The following CLVS1 variants were observed in gnomAD, a reference collection of about 807,000 sequenced individuals.
CLVS1 encodes clavesin-1.
CLVS1 carries 10 observed loss-of-function variants against 33.1 expected under a neutral mutation model. The observed-to-expected ratio is 0.30, with a 90% CI of 0.19 to 0.51. CLVS1 has a LOEUF of 0.51. Among genes scored for constraint, CLVS1 ranks in the 20% least tolerant of loss-of-function variants. The pLI, the probability that CLVS1 is intolerant of heterozygous loss-of-function variation, is 0.97. For missense variants in CLVS1, 343 were observed against 433.4 expected (o/e 0.79, Z 1.85); for synonymous variants, 163 against 166.1 (o/e 0.98, Z 0.14).
chr8:61,255,443 C>T lies in CLVS1; in HGVS notation c.-151-44234C>T, dbSNP rs536028702. ...GCTGAGGTTATAGCAGGAAACACTA[C>T]AGACAAAACCTCAGTGCCAGCAGAA... On this transcript the variant is annotated intron_variant, in intron 2 of 2. Transcript: ENST00000522621. 2.0e-5 allele frequency among the ~76,000 whole-genome samples: 3 copies of T among 152,172 alleles called. No individual in the cohort carries two copies. The South Asian group carries it at 6.2e-4, about 32-fold the overall frequency.
rs188833796 is a variant in CLVS1 at position 61,206,542 on chromosome 8, T to C, written c.-152+74682T>C. On this transcript the variant is annotated intron_variant, in intron 2 of 2. Transcript: ENST00000522621. ...TAAGCCAGATTAGACTCCCTTGTTA[T>C]GTACTGCCTTACAGCATTTATCTTA... is the stretch of plus-strand genomic sequence containing the variant. Among the ~76,000 whole-genome samples the C allele has an allele frequency of 1.9e-3, 285 of 152,314 alleles. 1 individual carries two copies. The highest frequency in any genetic ancestry group is 2.9e-3 in the Non-Finnish European group (198 of 68,028).
intron 2 of CLVS1, among the ~76,000 whole-genome samples, chr8:61,229,622 C>T (rs1808391879): frequency 6.6e-6 from 1 of 152,184 alleles, no homozygotes; most frequent in South Asian, 2.1e-4. Context: ...GGAGCATTTA[C>T]CTTGTGCCAG....
chr8:61,101,577 A>G (rs946596339), intron 1 of CLVS1, among the ~76,000 whole-genome samples: 1 of 151,978 alleles, frequency 6.6e-6, no homozygotes, highest in Non-Finnish European at 1.5e-5. Context: ...TTGTCTTTTC[A>G]CTTTCTGTGT....
intron 2 of CLVS1, among the ~76,000 whole-genome samples, chr8:61,214,264 G>A (rs1365656808): frequency 2.6e-5 from 4 of 152,078 alleles, no homozygotes; most frequent in Admixed American, 2.0e-4. Context: ...AGTACTTGAT[G>A]TCTGTGACCC....
At chr8:61,352,624 T>C (rs1304401156) in intron 2 of CLVS1, among the ~76,000 whole-genome samples, 2 of 151,956 alleles carry the variant, frequency 1.3e-5, no homozygotes, top group African/African-American at 4.8e-5. Flanking sequence ...GATAAGGTAG[T>C]CTTCAGAGGA....
intron 2 of CLVS1, among the ~76,000 whole-genome samples, chr8:61,145,071 C>T (rs557452017): frequency 1.3e-5 from 2 of 152,284 alleles, no homozygotes; most frequent in South Asian, 4.1e-4. Flanking sequence ...GCATAAATGT[C>T]TTCTTTTGAG....
At chr8:61,139,151 G>T (rs1038036380) in intron 2 of CLVS1, among the ~76,000 whole-genome samples, 4 of 152,170 alleles carry the variant, frequency 2.6e-5, no homozygotes, top group African/African-American at 9.6e-5. Context: ...TCCTCAAAAC[G>T]CACGCGGGCA....
intron 1 of CLVS1, among the ~76,000 whole-genome samples, chr8:61,076,899 C>T (rs763353880): frequency 6.6e-6 from 1 of 152,192 alleles, no homozygotes; most frequent in African/African-American, 2.4e-5. Flanking sequence ...TACCCTTTTC[C>T]TCCCTGCAAG....
the CLVS1 span, among the ~76,000 whole-genome samples, chr8:61,009,433 T>G: frequency 6.6e-6 from 1 of 152,298 alleles, no homozygotes; most frequent in Middle Eastern, 3.4e-3. Flanking sequence ...CAGGTGTGAG[T>G]CACTGTGCCT....
At chr8:61,439,196 C>T (rs1816451598) in intron 3 of CLVS1, among the ~76,000 whole-genome samples, 1 of 152,196 alleles carries the variant, frequency 6.6e-6, no homozygotes, top group South Asian at 2.1e-4. Flanking sequence ...CATCGATTTC[C>T]TCTGCAAATC....
At chr8:61,255,751 G>C (rs1481442421) in intron 2 of CLVS1, among the ~76,000 whole-genome samples, 1 of 152,088 alleles carries the variant, frequency 6.6e-6, no homozygotes, top group African/African-American at 2.4e-5. Flanking sequence ...ACAACCAAAA[G>C]ATTTGCCATA....
rs569519523 is a variant in CLVS1, at chr8:61,301,600, C to A, written c.455+1318C>A. 1.6e-4 allele frequency among the ~76,000 whole-genome samples: 24 copies of A among 152,272 alleles called. No homozygotes were observed. The South Asian group carries it at 3.9e-3, about 25-fold the overall frequency. On this transcript the variant is annotated intron_variant, in intron 2 of 5. Coordinates refer to ENST00000325897, the MANE Select transcript of CLVS1 (RefSeq NM_173519.3). ...ATATATATTACCTCATTTAACCCAC[C>A]TGAGAACTTTGCATGGTAGATATTA... is the stretch of plus-strand genomic sequence containing the variant.
intron 2 of CLVS1, among the ~76,000 whole-genome samples, chr8:61,352,982 G>C (rs779112398): frequency 6.6e-6 from 1 of 151,890 alleles, no homozygotes; most frequent in Non-Finnish European, 1.5e-5. Flanking sequence ...ATATCCTCAG[G>C]AATCCTGGAA....
At chr8:61,236,895 A>G (rs552895626) in intron 2 of CLVS1, among the ~76,000 whole-genome samples, 10 of 152,324 alleles carry the variant, frequency 6.6e-5, no homozygotes, top group East Asian at 1.9e-4. Flanking sequence ...TCAGGGAGCC[A>G]ACATCTGCAC....
At chr8:61,248,990 G>A (rs1291051395) in intron 2 of CLVS1, among the ~76,000 whole-genome samples, 1 of 151,990 alleles carries the variant, frequency 6.6e-6, no homozygotes, top group Non-Finnish European at 1.5e-5. Flanking sequence ...AGAGATACAC[G>A]TGCCATGGTG....
chr8:61,281,907 A>G (rs908938719), intron 2 of CLVS1, among the ~76,000 whole-genome samples: 3 of 152,214 alleles, frequency 2.0e-5, no homozygotes, highest in Non-Finnish European at 4.4e-5. Flanking sequence ...TCAGTCTTAA[A>G]AACTGCAAAG....
intron 1 of CLVS1, chr8:61,292,538 A>G: frequency 2.8e-6 from 1 of 362,088 alleles, no homozygotes; most frequent in Non-Finnish European, 5.5e-6. Flanking sequence ...TTTCCCTTTG[A>G]AGACAGAAGG....
At chr8:61,381,518 A>T (rs1455114830) in intron 3 of CLVS1, among the ~76,000 whole-genome samples, 5 of 152,140 alleles carry the variant, frequency 3.3e-5, no homozygotes, top group Non-Finnish European at 7.4e-5. Context: ...GGTTTGGTGT[A>T]CAGATTATTT....
chr8:61,272,051 T>G lies in CLVS1; in HGVS notation c.-151-27626T>G, dbSNP rs1263759781. 1.4e-4 allele frequency among the ~76,000 whole-genome samples: 21 copies of G among 151,632 alleles called. No homozygotes were observed. In the South Asian group the frequency reaches 3.0e-3, roughly 21 times the overall value. ...TCCTGTCATTATGATGTTAGCTGGT[T>G]ATTTTGCTCGTTAGTTGATGCAGTT... On this transcript the variant is annotated intron_variant, in intron 2 of 2. Coordinates refer to the CLVS1 transcript ENST00000522621.
Sources: gnomAD v4.1 joint callset for allele counts (sites outside exome capture counted in the v4.1 genomes callset) on GRCh38, gnomAD v4.1.1 for gene constraint, MANE v1.5 for transcripts, NCBI Gene and HGNC (gene_info 2026-07-23, HGNC 2026-07-21) for gene names.